GAS5: variants seen among roughly 807,000 people sequenced by gnomAD.
GAS5 encodes growth arrest specific 5.
chr1:173,867,778 C>G (rs1655027933), upstream of GAS5: 1 of 519,034 alleles, frequency 1.9e-6, no homozygotes, highest in Admixed American at 1.9e-5. Context: ...CGCAGTTCTA[C>G]TCTAACATAG....
chr1:173,867,230 C>T, upstream of GAS5: 1 of 530,946 alleles, frequency 1.9e-6, no homozygotes, highest in Non-Finnish European at 3.3e-6. Flanking sequence ...TAAGAACCAC[C>T]GATGGCGGCC....
chr1:173,864,724 CACAGT>C, intron 6 of GAS5: 1 of 483,284 alleles, frequency 2.1e-6, no homozygotes, highest in Non-Finnish European at 4.1e-6. Context: ...AGGGACAATA[CACAGT>C]AAGACAACTT....
At chr1:173,865,377 T>G (rs1390323349) in intron 6 of GAS5, 1 of 515,612 alleles carries the variant, frequency 1.9e-6, no homozygotes, top group East Asian at 5.4e-5. Flanking sequence ...TAATCTCCAT[T>G]TTCTTTCTCA....
At position 173,866,100 on chromosome 1, in the gene GAS5, AG is replaced by A. The variant is rs1654565539; in HGVS notation, n.161+76del. 6 of 513,134 alleles carry A rather than the reference AG, an allele frequency of 1.2e-5. No individual in the cohort carries two copies. In the Admixed American group the frequency reaches 1.2e-4, roughly 10 times the overall value. The allele number at this position is 513,134 out of a possible 1,614,324, so 31.8% of individuals were successfully genotyped here. A position where few individuals can be genotyped will look rare whatever the true frequency, so the allele number is the denominator to read the frequency against. On this transcript the variant is annotated intron_variant and non_coding_transcript_variant, in intron 4 of 7. Transcript: ENST00000651080. ...CCATTTATTTAATGCATTCAGCACT[AG>A]GAGGTAACTAAAAAGCCATTTGTGC...
At chr1:173,867,697 C>T, upstream of GAS5, 1 of 519,112 alleles carries the variant, frequency 1.9e-6, no homozygotes, top group Non-Finnish European at 3.8e-6. Flanking sequence ...GGTTGGCATT[C>T]ATCATTACTC....
intron 6 of GAS5, chr1:173,864,845 G>A: frequency 1.9e-6 from 1 of 519,174 alleles, no homozygotes; most frequent in Middle Eastern, 3.2e-4. Flanking sequence ...TCAGATAGGA[G>A]CGAAAGACTT....
In GAS5 at chr1:173,864,660, A is replaced by G. The variant is rs529524244; in HGVS notation, n.277-356T>C. 1.7e-5 allele frequency: 7 copies of G among 401,922 alleles called. No individual in the cohort carries two copies. The East Asian group carries it at 2.9e-4, about 16-fold the overall frequency. The allele number at this position is 401,922 out of a possible 1,614,324, so 24.9% of individuals were successfully genotyped here. On this transcript the variant is annotated intron_variant and non_coding_transcript_variant, in intron 6 of 7. Transcript: ENST00000651080. ...TTTTGCCACCTTAAAAATTTCCTTCAAAGTTTAAACTAACCTGCATTTCTT... is the reference window on the plus strand; with the variant it reads ...TTTTGCCACCTTAAAAATTTCCTTCGAAGTTTAAACTAACCTGCATTTCTT...
At chr1:173,866,676 A>G (rs988770910) in intron 2 of GAS5, 3 of 764,950 alleles carry the variant, frequency 3.9e-6, no homozygotes, top group Admixed American at 3.4e-5. Flanking sequence ...TCATCATTCT[A>G]GCACTCAAGA....
intron 3 of GAS5, chr1:173,866,390 T>C: frequency 1.8e-6 from 1 of 545,154 alleles, no homozygotes; most frequent in Non-Finnish European, 3.6e-6. Context: ...TTTTCTTCAG[T>C]ATTAAACTTA....
chr1:173,864,200 G>A (rs1654200418), intron 7 of GAS5: 1 of 518,182 alleles, frequency 1.9e-6, no homozygotes, highest in Non-Finnish European at 3.9e-6. Context: ...GTTCAAGTTG[G>A]ATTGAGATCA....
chr1:173,864,977 G>C, intron 6 of GAS5: 1 of 505,406 alleles, frequency 2.0e-6, no homozygotes, highest in South Asian at 1.4e-5. Context: ...CCAGCACTTT[G>C]GGAGGTCAGT....
chr1:173,867,046 A>G (rs1321188066), upstream of GAS5: 3 of 730,794 alleles, frequency 4.1e-6, no homozygotes, highest in African/African-American at 1.7e-5. Context: ...CACCATACCT[A>G]AAGAGATCAG....
chr1:173,864,322 A>T (rs764513840), intron 6 of GAS5: 1 of 516,362 alleles, frequency 1.9e-6, no homozygotes, highest in Non-Finnish European at 3.9e-6. Context: ...CGAAGCCAAC[A>T]TATTAATCAG....
chr1:173,864,374 CAG>C lies in GAS5; in HGVS notation n.277-72_277-71del, dbSNP rs1357281885. On this transcript the variant is annotated intron_variant and non_coding_transcript_variant, in intron 6 of 7. Transcript: ENST00000651080. Reference sequence around the variant, plus strand: ...GTGATGCTTGTTAGTAGAGTAACCTCAGAATCAAAATGGAACGGTTTTACAGT... The same window carrying C: ...GTGATGCTTGTTAGTAGAGTAACCTCAATCAAAATGGAACGGTTTTACAGT... 20 of 518,916 alleles carry C rather than the reference CAG, an allele frequency of 3.9e-5. No homozygotes were observed. In the Admixed American group the frequency reaches 3.9e-4, roughly 10 times the overall value. 32.1% of individuals were successfully genotyped at this position (518,916 alleles called of 1,614,324 possible). A position where few individuals can be genotyped will look rare whatever the true frequency, so the allele number is the denominator to read the frequency against.
At chr1:173,867,814 A>G (rs946188991), upstream of GAS5, 24 of 516,008 alleles carry the variant, frequency 4.7e-5, no homozygotes, top group Admixed American at 2.5e-4. Flanking sequence ...CGCATGCACC[A>G]TATGTGCAAT....
chr1:173,865,372 T>C (rs751667666), intron 6 of GAS5: 1 of 515,106 alleles, frequency 1.9e-6, no homozygotes, highest in African/African-American at 1.9e-5. Flanking sequence ...AAGATTAATC[T>C]CCATTTTCTT....
intron 6 of GAS5, chr1:173,864,966 C>T: frequency 2.0e-6 from 1 of 508,752 alleles, no homozygotes; most frequent in Admixed American, 2.0e-5. Context: ...CGCCTGTAAT[C>T]CCAGCACTTT....
At chr1:173,868,283 G>C (rs954046202), upstream of GAS5, 1 of 153,188 alleles carries the variant, frequency 6.5e-6, no homozygotes, top group African/African-American at 2.4e-5. Flanking sequence ...GATGGGGGAA[G>C]GGGGGGCGGT....
intron 1 of GAS5, chr1:173,866,964 T>C (rs1225173091): frequency 1.3e-6 from 1 of 765,418 alleles, no homozygotes; most frequent in East Asian, 2.4e-5. Context: ...ATTTCATTCT[T>C]CCCACCATAC....
Sources: gnomAD v4.1 joint callset for allele counts on GRCh38, gnomAD v4.1.1 for gene constraint, MANE v1.5 for transcripts, NCBI Gene and HGNC (gene_info 2026-07-23, HGNC 2026-07-21) for gene names.